DDI2: variants seen among roughly 807,000 people sequenced by gnomAD.
DDI2 encodes the protein protein DDI1 homolog 2.
In DDI2, 5 loss-of-function variants were observed where a neutral mutation model predicts 48.1. The observed-to-expected ratio is 0.10, with a 90% confidence interval of 0.05 to 0.22. The LOEUF is 0.22. DDI2 is among the 10% of genes least tolerant of loss of function. DDI2 has a pLI of 1.00. For synonymous variants in DDI2, 205 were observed against 183.6 expected, an observed-to-expected ratio of 1.12 and a Z score of -0.94; for missense variants, 285 against 506.2, an observed-to-expected ratio of 0.56 and a Z score of 4.19.
chr1:15,630,172 T>C (rs1639819997), intron 2 of DDI2, among the ~76,000 whole-genome samples, 153 bp from the exon 3 acceptor site: 1 of 152,224 alleles, frequency 6.6e-6, no homozygotes, highest in South Asian at 2.1e-4. Context: ...GCAGTCTTTA[T>C]ATTCAGAGTC....
Position 15,666,772 on chromosome 1 carries a change from CA to C in DDI2, c.*6986del, listed in dbSNP as rs1186936616. 3 of 152,142 alleles carry C rather than the reference CA, an allele frequency of 2.0e-5. No individual in the cohort carries two copies. Among genetic ancestry groups the C allele is most frequent in the Non-Finnish European group, 4.4e-5 (3 of 68,030 alleles). The allele number at this position is 152,142 out of a possible 1,614,324, so 9.4% of individuals were successfully genotyped here. On this transcript the variant is annotated 3_prime_UTR_variant, in exon 10 of 10. Transcript: ENST00000480945. ...GGAGACGTGAAACAAATTTTAGCTT[CA>C]AAAGCAACATCTATTTTTGCCTGTT...
At chr1:15,642,934 G>A (rs1382370395) in intron 5 of DDI2, among the ~76,000 whole-genome samples, 1 of 152,238 alleles carries the variant, frequency 6.6e-6, no homozygotes, top group Non-Finnish European at 1.5e-5. Context: ...GGGTGTGGTG[G>A]TGGGCAACTG....
At position 15,661,154 on chromosome 1, in the gene DDI2, T is replaced by A. The variant is rs1313458969; in HGVS notation, c.*1364T>A. On this transcript the variant is annotated 3_prime_UTR_variant, in exon 10 of 10. Coordinates refer to ENST00000480945, the MANE Select transcript of DDI2 (RefSeq NM_032341.5). ...TCTGTATCAGTGGAGACAGAAAAATTAACAGGTACTTCATCTGACACTGGA... is the reference window on the plus strand; with the variant it reads ...TCTGTATCAGTGGAGACAGAAAAATAAACAGGTACTTCATCTGACACTGGA... 1 of 1,614,052 alleles carries A rather than the reference T, an allele frequency of 6.2e-7. No homozygotes were observed.
In DDI2 at chr1:15,651,859, T is replaced by G. The variant is rs1557622271; in HGVS notation, c.1147T>G (p.Leu383Val). 6.2e-7 allele frequency: 1 copy of G among 1,613,736 alleles called. No individual in the cohort carries two copies. Among genetic ancestry groups the G allele is most frequent in the South Asian group, 1.1e-5 (1 of 91,048 alleles). ...GCCAGAGGAGATTGCAGACCAAGAA[T>G]TAGCAGAAGCCCTTCAAAAATCAGC... is the stretch of plus-strand genomic sequence containing the variant. ...VRPEEIADQE[L>V]AEALQKSAED... The change falls in exon 8 of 10, where the codon TTA (leucine) becomes GTA (valine). Residue 383 changes from leucine to valine, a missense_variant. Around this residue, in one of 3 missense-constraint regions of DDI2, gnomAD observed 66 missense variants for 87.3 expected, o/e 0.76. Transcript: ENST00000480945.
At chr1:15,646,135 G>A (rs1640086507) in intron 6 of DDI2, among the ~76,000 whole-genome samples, 1 of 152,220 alleles carries the variant, frequency 6.6e-6, no homozygotes, top group South Asian at 2.1e-4. Flanking sequence ...TGCTACTGGG[G>A]TGAAGGGTCT....
At chr1:15,659,002 C>T (rs1457692241) in intron 9 of DDI2, among the ~76,000 whole-genome samples, 1 of 152,126 alleles carries the variant, frequency 6.6e-6, no homozygotes, top group Non-Finnish European at 1.5e-5. Flanking sequence ...TAGTTGCACA[C>T]TATTGATGTG....
In DDI2 at chr1:15,661,002, A is replaced by C. The variant is rs1267304627; in HGVS notation, c.*1212A>C. On this transcript the variant is annotated 3_prime_UTR_variant, in exon 10 of 10. Coordinates refer to ENST00000480945, the MANE Select transcript of DDI2 (RefSeq NM_032341.5). ...CTTCAGAAAATACATCTGAAGAAGT[A>C]ATCTGTCAATCAGAAACCATAGCTG... is the stretch of plus-strand genomic sequence containing the variant. 6.2e-7 allele frequency: 1 copy of C among 1,614,062 alleles called. No individual in the cohort carries two copies. Among genetic ancestry groups the C allele is most frequent in the Non-Finnish European group, 8.5e-7 (1 of 1,179,972 alleles).
chr1:15,657,395 T>C (rs1640287865), intron 9 of DDI2, among the ~76,000 whole-genome samples: 1 of 152,230 alleles, frequency 6.6e-6, no homozygotes, highest in South Asian at 2.1e-4. Context: ...ATTTAGTTTC[T>C]CTTCTTTCTT....
At chr1:15,646,989 T>C (rs897393430) in intron 6 of DDI2, among the ~76,000 whole-genome samples, 1 of 152,150 alleles carries the variant, frequency 6.6e-6, no homozygotes, top group Non-Finnish European at 1.5e-5. Context: ...TAAAAGGTGA[T>C]TATTTCTGTT....
chr1:15,630,646 A>G, intron 3 of DDI2, 85 bp downstream of exon 3: 1 of 903,166 alleles, frequency 1.1e-6, no homozygotes, highest in African/African-American at 1.6e-5. Context: ...CTCAAGCGAC[A>G]CTGTGTCACA....
chr1:15,649,781 C>T lies in DDI2; in HGVS notation c.951C>T (p.Pro317=), dbSNP rs372246145. 3.6e-5 allele frequency: 58 copies of T among 1,613,394 alleles called. No individual in the cohort carries two copies. Among genetic ancestry groups the T allele is most frequent in the Non-Finnish European group, 4.5e-5 (53 of 1,179,774 alleles). ...PCSFSILEEQ[P]MDMLLGLDML... is the part of the protein sequence containing the mutation. ...CCTTCTCTATACTTGAGGAACAGCC[C>T]ATGGACATGCTTCTGGGACTGGACA... The change falls in exon 7 of 10, where the codon CCC becomes CCT. Residue 317 remains proline (P), a synonymous_variant. Coordinates refer to ENST00000480945, the MANE Select transcript of DDI2 (RefSeq NM_032341.5).
At chr1:15,633,732 C>A (rs1245050418) in intron 4 of DDI2, 167 bp downstream of exon 4, 1 of 1,025,044 alleles carries the variant, frequency 9.8e-7, no homozygotes, top group African/African-American at 1.6e-5. Flanking sequence ...ATTTTCTATG[C>A]ATTTCGATTT....
intron 6 of DDI2, 123 bp downstream of exon 6, chr1:15,643,773 T>G: frequency 1.5e-6 from 2 of 1,363,246 alleles, no homozygotes; most frequent in Non-Finnish European, 9.8e-7. Flanking sequence ...AAATTTCTTT[T>G]GTGTGGGTAT....
rs1358824879 is a variant in DDI2, at chr1:15,668,946, A to G, written c.*9156A>G. Reference sequence around the variant, plus strand: ...TAAGTCAGCCCTAAATAATCAAAACACTTTATTTTATTTTTCTTTTTTTAA... The same window carrying G: ...TAAGTCAGCCCTAAATAATCAAAACGCTTTATTTTATTTTTCTTTTTTTAA... On this transcript the variant is annotated 3_prime_UTR_variant, in exon 10 of 10. Transcript: ENST00000480945. 1.3e-5 allele frequency: 2 copies of G among 152,242 alleles called. No individual in the cohort carries two copies. Among genetic ancestry groups the G allele is most frequent in the Non-Finnish European group, 2.9e-5 (2 of 68,036 alleles). 9.4% of individuals were successfully genotyped at this position (152,242 alleles called of 1,614,324 possible). A position where few individuals can be genotyped will look rare whatever the true frequency, so the allele number is the denominator to read the frequency against.
intron 4 of DDI2, among the ~76,000 whole-genome samples, chr1:15,636,494 A>AAG (rs1639931236): frequency 6.6e-6 from 1 of 151,856 alleles, no homozygotes; most frequent in African/African-American, 2.4e-5. Context: ...AAAAAAAAAA[A>AAG]AAGTATCTTG....
chr1:15,619,908 T>C (rs1202889220), intron 1 of DDI2, among the ~76,000 whole-genome samples: 1 of 152,064 alleles, frequency 6.6e-6, no homozygotes, highest in Admixed American at 6.6e-5. Flanking sequence ...CCTGCACTTT[T>C]TGTGATGGCT....
intron 3 of DDI2, among the ~76,000 whole-genome samples, chr1:15,632,771 A>T (rs1639865282): frequency 6.6e-6 from 1 of 152,102 alleles, no homozygotes; most frequent in Admixed American, 6.6e-5. Flanking sequence ...AGGTAGTAGG[A>T]TAATGAGAAC....
chr1:15,660,907 G>C lies in DDI2; in HGVS notation c.*1117G>C, dbSNP rs1570995348. ...TCAGCCTTCTGTGGAGTCAGCAGAA[G>C]AATCTTGCCCGTCTATAACGGCAGC... On this transcript the variant is annotated 3_prime_UTR_variant, in exon 10 of 10. Coordinates refer to ENST00000480945, the MANE Select transcript of DDI2 (RefSeq NM_032341.5). The C allele has an allele frequency of 6.2e-7, 1 of 1,613,924 alleles. No individual in the cohort carries two copies. The highest frequency in any genetic ancestry group is 1.3e-5 in the African/African-American group (1 of 75,024).
Position 15,660,384 on chromosome 1 carries a change from G to A in DDI2, c.*594G>A, listed in dbSNP as rs1640347887. ...ACCCTCAGCAGCACGAAGAACCAGG[G>A]AATGAACAGTATGAGGTTGCACAAC... On this transcript the variant is annotated 3_prime_UTR_variant, in exon 10 of 10. Transcript: ENST00000480945. 6.2e-7 allele frequency: 1 copy of A among 1,613,916 alleles called. No individual in the cohort carries two copies. Among genetic ancestry groups the A allele is most frequent in the East Asian group, 2.2e-5 (1 of 44,898 alleles).
Sources: gnomAD v4.1 joint callset for allele counts (sites outside exome capture counted in the v4.1 genomes callset) on GRCh38, gnomAD v4.1.1 for gene constraint, gnomAD v4.1.1 regional missense constraint, MANE v1.5 for transcripts, NCBI Gene and HGNC (gene_info 2026-07-23, HGNC 2026-07-21) for gene names.